CTNNA3: variants seen among roughly 807,000 people sequenced by gnomAD.
CTNNA3 encodes catenin alpha-3.
A neutral mutation model predicts 95.7 loss-of-function variants in CTNNA3; 76 were observed. The observed-to-expected ratio is 0.79, with a 90% CI of 0.66 to 0.96. The LOEUF (loss-of-function observed/expected upper bound fraction) is 0.96. Ranked by LOEUF, CTNNA3 falls within the 40% of genes least tolerant of loss-of-function variation. The pLI, the probability that CTNNA3 is intolerant of heterozygous loss-of-function variation, is 0.00. For missense variants in CTNNA3, 1,191 were observed against 1,089.8 expected, an observed-to-expected ratio of 1.09 and a Z score of -1.31; for synonymous variants, 431 against 374.4, an observed-to-expected ratio of 1.15 and a Z score of -1.74.
chr10:66,293,978 A>G (rs1386408004), intron 12 of CTNNA3, among the ~76,000 whole-genome samples: 1 of 152,020 alleles, frequency 6.6e-6, no homozygotes, highest in Non-Finnish European at 1.5e-5. Flanking sequence ...AGCATTCTTG[A>G]CAAGAAAAAA....
intron 13 of CTNNA3, among the ~76,000 whole-genome samples, chr10:66,189,649 TAC>T (rs1292175476): frequency 2.1e-5 from 3 of 139,730 alleles, no homozygotes; most frequent in African/African-American, 5.9e-5. Flanking sequence ...CATATATATA[TAC>T]ACACACACAT....
At chr10:67,390,493 C>T (rs1420306528) in intron 5 of CTNNA3, among the ~76,000 whole-genome samples, 1 of 152,100 alleles carries the variant, frequency 6.6e-6, no homozygotes, top group Non-Finnish European at 1.5e-5. Context: ...GGAACTGGTA[C>T]CATTCCTACT....
intron 7 of CTNNA3, among the ~76,000 whole-genome samples, chr10:67,086,447 A>C (rs1857312744): frequency 6.6e-6 from 1 of 152,060 alleles, no homozygotes; most frequent in African/African-American, 2.4e-5. Flanking sequence ...GTAAGTAATC[A>C]TATCATTTGA....
At chr10:66,183,137 C>A (rs2086141559) in intron 13 of CTNNA3, among the ~76,000 whole-genome samples, 1 of 152,186 alleles carries the variant, frequency 6.6e-6, no homozygotes, top group Non-Finnish European at 1.5e-5. Context: ...AGAAAAACAG[C>A]ACAGAACAAA....
intron 15 of CTNNA3, among the ~76,000 whole-genome samples, chr10:66,020,574 A>G (rs146904581): frequency 7.3e-4 from 111 of 152,258 alleles, no homozygotes; most frequent in Middle Eastern, 6.8e-3. Flanking sequence ...AAACTTTCTG[A>G]TGCTCAGGGA....
intron 13 of CTNNA3, among the ~76,000 whole-genome samples, chr10:66,176,743 C>T (rs1186546283): frequency 3.9e-5 from 6 of 152,116 alleles, no homozygotes; most frequent in Admixed American, 3.9e-4. Flanking sequence ...TAGAACCTCA[C>T]TAGACACCAA....
chr10:66,568,832 T>C (rs1358211675), intron 10 of CTNNA3, among the ~76,000 whole-genome samples: 2 of 151,712 alleles, frequency 1.3e-5, no homozygotes, highest in African/African-American at 4.8e-5. Context: ...ACAATTTACA[T>C]ACATGGGGCA....
chr10:66,819,363 G>GT (rs1842217144), intron 7 of CTNNA3, among the ~76,000 whole-genome samples: 1 of 151,894 alleles, frequency 6.6e-6, no homozygotes, highest in South Asian at 2.1e-4. Flanking sequence ...AGATCTAAAG[G>GT]TAACTAGTGA....
chr10:66,640,206 C>A (rs886418232), intron 9 of CTNNA3, among the ~76,000 whole-genome samples: 4 of 152,130 alleles, frequency 2.6e-5, no homozygotes, highest in African/African-American at 9.7e-5. Flanking sequence ...TCACAGAGCT[C>A]TGGCCATATC....
At chr10:66,428,719 T>C (rs2093266826) in intron 11 of CTNNA3, among the ~76,000 whole-genome samples, 2 of 151,770 alleles carry the variant, frequency 1.3e-5, no homozygotes, top group South Asian at 4.2e-4. Flanking sequence ...AACAAAGACA[T>C]AACATACTAG....
intron 5 of CTNNA3, among the ~76,000 whole-genome samples, chr10:67,386,059 A>G (rs1844148803): frequency 6.6e-6 from 1 of 152,220 alleles, no homozygotes; most frequent in African/African-American, 2.4e-5. Context: ...AATGAAATGC[A>G]TAAAAAGGCA....
chr10:67,370,010 G>A (rs986053759), intron 5 of CTNNA3, among the ~76,000 whole-genome samples: 15 of 152,104 alleles, frequency 9.9e-5, no homozygotes, highest in Non-Finnish European at 1.6e-4. Context: ...GCATGTGTAG[G>A]TGTGTCTACA....
At chr10:66,235,558 C>A (rs1047243722) in intron 13 of CTNNA3, among the ~76,000 whole-genome samples, 1 of 151,714 alleles carries the variant, frequency 6.6e-6, no homozygotes, top group Non-Finnish European at 1.5e-5. Flanking sequence ...CTACCTAATG[C>A]CTTCTTTAAG....
At chr10:66,154,341 G>A (rs985721841) in intron 13 of CTNNA3, among the ~76,000 whole-genome samples, 2 of 151,452 alleles carry the variant, frequency 1.3e-5, no homozygotes, top group East Asian at 1.9e-4. Flanking sequence ...TTTTAACATT[G>A]AGCAACTAGA....
chr10:66,274,109 T>C (rs1241107426), intron 13 of CTNNA3, among the ~76,000 whole-genome samples: 2 of 152,152 alleles, frequency 1.3e-5, no homozygotes, highest in African/African-American at 4.8e-5. Context: ...ACTTTTTCTG[T>C]AAAGGGTCAG....
At chr10:67,739,082 A>G (rs923543009) in intron 1 of CTNNA3, among the ~76,000 whole-genome samples, 1 of 152,192 alleles carries the variant, frequency 6.6e-6, no homozygotes, top group Non-Finnish European at 1.5e-5. Context: ...AATTCAGGAA[A>G]TACACAGAAT....
intron 5 of CTNNA3, among the ~76,000 whole-genome samples, chr10:67,404,359 T>A (rs1316315533): frequency 6.6e-6 from 1 of 151,230 alleles, no homozygotes. Flanking sequence ...TAGAGAGGAA[T>A]ATAACCAACC....
chr10:67,361,713 AC>A (rs1282461098), intron 5 of CTNNA3, among the ~76,000 whole-genome samples: 2 of 152,162 alleles, frequency 1.3e-5, no homozygotes, highest in Non-Finnish European at 2.9e-5. Flanking sequence ...AACTATGGGA[AC>A]TAGAAAAAAC....
chr10:66,614,860 G>A (rs1030006177), intron 10 of CTNNA3, among the ~76,000 whole-genome samples: 2 of 151,910 alleles, frequency 1.3e-5, no homozygotes, highest in Non-Finnish European at 1.5e-5. Flanking sequence ...GTACTTAGGA[G>A]GGTTTGCCTA....
Sources: allele counts gnomAD v4.1 joint callset (sites outside exome capture counted in the v4.1 genomes callset), GRCh38; gene constraint gnomAD v4.1.1; transcripts MANE v1.5; gene names NCBI Gene and HGNC (gene_info 2026-07-23, HGNC 2026-07-21).